DOCK2: variants seen among roughly 807,000 people sequenced by gnomAD.
DOCK2 encodes the protein dedicator of cytokinesis 2, also known as dedicator of cytokinesis protein 2.
Under a neutral mutation model 248.9 loss-of-function variants are expected in DOCK2, and 87 were observed. The observed-to-expected ratio is 0.35, with a 90% CI of 0.29 to 0.42. The LOEUF (loss-of-function observed/expected upper bound fraction) is 0.42, where lower values mean the gene tolerates loss of function less well. DOCK2 is among the 10% of genes least tolerant of loss of function. DOCK2 has a pLI of 1.00. For synonymous variants in DOCK2, 805 were observed against 821.6 expected, an observed-to-expected ratio of 0.98 and a Z score of 0.35; for missense variants, 1,747 against 2,300.2, an observed-to-expected ratio of 0.76 and a Z score of 4.92.
In DOCK2 at chr5:170,078,404, TTTCACAGTTCTAGGGGGCATCA is replaced by T. The variant is rs1283251597; in HGVS notation, c.4995-564_4995-543del. On this transcript the variant is annotated intron_variant, in intron 48 of 51. Transcript: ENST00000520908. ...GGGAAAAGGATGGAAACGTCTTCTGTTTCACAGTTCTAGGGGGCATCATTCACAATTCTAGGGGGCACCATTC... is the reference window on the plus strand; with the variant it reads ...GGGAAAAGGATGGAAACGTCTTCTGTTTCACAATTCTAGGGGGCACCATTC... Among the ~76,000 whole-genome samples, 4 of 152,154 alleles carry T rather than the reference TTTCACAGTTCTAGGGGGCATCA, an allele frequency of 2.6e-5. No homozygotes were observed. The East Asian group carries it at 7.7e-4, about 29-fold the overall frequency.
intron 27 of DOCK2, among the ~76,000 whole-genome samples, chr5:169,913,841 A>G (rs1179699926): frequency 2.0e-5 from 3 of 152,206 alleles, no homozygotes; most frequent in African/African-American, 7.2e-5. Flanking sequence ...GATCCCATTT[A>G]AGAACTTTTT....
chr5:169,936,818 T>C (rs1371744771), intron 27 of DOCK2, among the ~76,000 whole-genome samples: 1 of 152,192 alleles, frequency 6.6e-6, no homozygotes, highest in East Asian at 1.9e-4. Flanking sequence ...ATTAGCTAAA[T>C]TGACAAAACT....
chr5:170,063,777 A>C (rs1313579073), intron 44 of DOCK2, among the ~76,000 whole-genome samples: 1 of 152,148 alleles, frequency 6.6e-6, no homozygotes, highest in Non-Finnish European at 1.5e-5. Flanking sequence ...ACCACAGCAA[A>C]AAGAGGTGGA....
intron 28 of DOCK2, among the ~76,000 whole-genome samples, chr5:169,984,972 G>A (rs1581505273): frequency 6.6e-6 from 1 of 152,294 alleles, no homozygotes; most frequent in Non-Finnish European, 1.5e-5. Context: ...AGGCTGGAGA[G>A]CAGTGGCACG....
intron 49 of DOCK2, 144 bp downstream of exon 49, chr5:170,079,290 G>A: frequency 8.6e-7 from 1 of 1,159,984 alleles, no homozygotes; most frequent in Non-Finnish European, 1.2e-6. Context: ...GGCACCTGAG[G>A]AGCTGAGAGG....
intron 27 of DOCK2, among the ~76,000 whole-genome samples, chr5:169,934,262 C>T (rs538307504): frequency 4.6e-5 from 7 of 152,176 alleles, no homozygotes; most frequent in African/African-American, 1.7e-4. Context: ...AAGAAGAGTC[C>T]CTTCTACTGT....
chr5:169,897,085 A>G (rs1027734506), intron 27 of DOCK2, among the ~76,000 whole-genome samples: 1 of 152,230 alleles, frequency 6.6e-6, no homozygotes, highest in South Asian at 2.1e-4. Flanking sequence ...AAGAATATTT[A>G]TTATGAATTT....
At position 170,047,601 on chromosome 5, in the gene DOCK2, C is replaced by T; in HGVS notation, c.4058C>T (p.Pro1353Leu). Residue 1353 changes from proline (P) to leucine (L), a missense_variant, in exon 40 of 52, where the codon CCC becomes CTC. Transcript: ENST00000520908. ...GTTGGATACTACGGCCAGGGATTCC[C>T]CTCCTTCCTGCGGGTGAGTTTGGGG... ...FAVGYYGQGF[P>L]SFLRNKVFIY... 1.2e-6 allele frequency: 2 copies of T among 1,613,964 alleles called. No individual in the cohort carries two copies. The highest frequency in any genetic ancestry group is 2.2e-5 in the East Asian group (1 of 44,876).
chr5:169,961,979 A>C (rs1338329940), intron 27 of DOCK2, among the ~76,000 whole-genome samples: 3 of 79,300 alleles, frequency 3.8e-5, no homozygotes, highest in Non-Finnish European at 7.5e-5. Flanking sequence ...ACTCTGTCCC[A>C]AAAAAAAAAA....
intron 17 of DOCK2, among the ~76,000 whole-genome samples, chr5:169,713,053 C>T (rs1208603430): frequency 1.3e-5 from 2 of 152,242 alleles, no homozygotes; most frequent in African/African-American, 2.4e-5. Context: ...ATGGCAAACA[C>T]AGCCTCGTCA....
chr5:169,880,132 T>C (rs1772553741), intron 27 of DOCK2, among the ~76,000 whole-genome samples: 1 of 152,230 alleles, frequency 6.6e-6, no homozygotes, highest in African/African-American at 2.4e-5. Flanking sequence ...TTTCCAATGC[T>C]GCAGGGCTCT....
At chr5:169,740,137 C>A (rs550708989) in intron 22 of DOCK2, among the ~76,000 whole-genome samples, 6 of 152,348 alleles carry the variant, frequency 3.9e-5, no homozygotes, top group Admixed American at 3.3e-4. Context: ...ACACATCACA[C>A]ACTGTTCATA....
intron 27 of DOCK2, among the ~76,000 whole-genome samples, chr5:169,962,871 C>G (rs1033675764): frequency 4.6e-5 from 7 of 152,048 alleles, no homozygotes; most frequent in African/African-American, 1.7e-4. Flanking sequence ...TTCTCCTTGC[C>G]CAGAACAGAG....
chr5:169,671,054 C>T, intron 4 of DOCK2, 24 bp from the exon 5 acceptor site: 1 of 1,606,446 alleles, frequency 6.2e-7, no homozygotes, highest in East Asian at 2.2e-5. Context: ...AATTTCACAC[C>T]ACTTTTTCTC....
intron 27 of DOCK2, among the ~76,000 whole-genome samples, chr5:169,856,109 A>G (rs1770875986): frequency 1.3e-5 from 2 of 152,156 alleles, no homozygotes. Context: ...CCCATGATCC[A>G]ATCACCTCTC....
intron 27 of DOCK2, chr5:169,875,680 A>C (rs1455225250): frequency 1.7e-5 from 3 of 174,514 alleles, no homozygotes; most frequent in Non-Finnish European, 3.7e-5. Flanking sequence ...GGGGTACTTT[A>C]ATCAATCTCA....
chr5:169,684,405 G>T, intron 8 of DOCK2, 55 bp downstream of exon 8: 2 of 1,568,166 alleles, frequency 1.3e-6, no homozygotes, highest in Non-Finnish European at 8.7e-7. Flanking sequence ...AGTGCACAGA[G>T]CATCTTTTCT....
chr5:169,907,845 A>C (rs1774373011), intron 27 of DOCK2, among the ~76,000 whole-genome samples: 3 of 151,708 alleles, frequency 2.0e-5, no homozygotes, highest in Admixed American at 6.5e-5. Context: ...TGCTACTGGC[A>C]TCTAGTGGGT....
intron 29 of DOCK2, among the ~76,000 whole-genome samples, chr5:169,994,361 G>C (rs1778282385): frequency 6.6e-6 from 1 of 152,188 alleles, no homozygotes; most frequent in Non-Finnish European, 1.5e-5. Flanking sequence ...CCTAGACCAT[G>C]ATGAATGTTG....
Sources: allele counts gnomAD v4.1 joint callset (sites outside exome capture counted in the v4.1 genomes callset), GRCh38; gene constraint gnomAD v4.1.1; transcripts MANE v1.5; gene names NCBI Gene and HGNC (gene_info 2026-07-23, HGNC 2026-07-21).